ADD3: variants seen among roughly 807,000 people sequenced by gnomAD.
The protein encoded by ADD3 is adducin 3.
In ADD3, 25 loss-of-function variants were observed where a neutral mutation model predicts 80.2. The observed-to-expected ratio is 0.31, with a 90% CI of 0.23 to 0.44. ADD3 has a LOEUF of 0.44. Ranked by LOEUF, ADD3 falls within the 20% of genes least tolerant of loss-of-function variation. The probability of loss-of-function intolerance (pLI) is 1.00; values close to 1 mark genes in which losing one functional copy is unlikely to be tolerated. For missense variants in ADD3, 829 were observed against 847.5 expected, an observed-to-expected ratio of 0.98 and a Z score of 0.27; for synonymous variants, 284 against 289.6, an observed-to-expected ratio of 0.98 and a Z score of 0.20.
intron 1 of ADD3, among the ~76,000 whole-genome samples, chr10:110,035,785 G>T (rs1270182661): frequency 6.6e-6 from 1 of 152,144 alleles, no homozygotes; most frequent in Non-Finnish European, 1.5e-5. Context: ...TTGAGACTCA[G>T]TGTTTTTTTA....
intron 1 of ADD3, among the ~76,000 whole-genome samples, chr10:110,012,514 A>G (rs1852447868): frequency 2.0e-5 from 3 of 152,246 alleles, no homozygotes; most frequent in Admixed American, 2.0e-4. Context: ...TTGAAGGAAT[A>G]CATTTAGAGT....
At chr10:110,021,499 C>T (rs1446431905) in intron 1 of ADD3, among the ~76,000 whole-genome samples, 2 of 152,084 alleles carry the variant, frequency 1.3e-5, no homozygotes, top group Non-Finnish European at 2.9e-5. Flanking sequence ...TAAACAAATG[C>T]GGTATCCATG....
At chr10:110,022,014 G>A (rs961833383) in intron 1 of ADD3, among the ~76,000 whole-genome samples, 9 of 152,164 alleles carry the variant, frequency 5.9e-5, no homozygotes, top group African/African-American at 2.2e-4. Flanking sequence ...GATGAAACAA[G>A]AATTACCGCA....
At chr10:110,058,991 A>G (rs1361422426) in intron 1 of ADD3, among the ~76,000 whole-genome samples, 1 of 152,236 alleles carries the variant, frequency 6.6e-6, no homozygotes, top group Non-Finnish European at 1.5e-5. Context: ...CATTTAATTT[A>G]TAAATCACTT....
chr10:110,062,414 C>CAA (rs61291710), intron 1 of ADD3, among the ~76,000 whole-genome samples: 14,722 of 107,212 alleles, frequency 0.14, 2,801 homozygotes, highest in African/African-American at 0.43. Flanking sequence ...AACTCCATCT[C>CAA]AAAAAAAAAA....
At chr10:110,105,313 C>T (rs952774937) in intron 2 of ADD3, among the ~76,000 whole-genome samples, 1 of 152,058 alleles carries the variant, frequency 6.6e-6, no homozygotes, top group Admixed American at 6.6e-5. Context: ...TAATTTACCC[C>T]CTTTTCTCAA....
intron 1 of ADD3, among the ~76,000 whole-genome samples, chr10:110,093,735 C>T (rs1225227410): frequency 6.6e-6 from 1 of 152,110 alleles, no homozygotes; most frequent in East Asian, 1.9e-4. Flanking sequence ...TTCATCTGCC[C>T]ATCTCCTAAT....
chr10:110,133,726 GCAA>G lies in ADD3; in HGVS notation c.*109_*111del. 1.1e-6 allele frequency: 1 copy of G among 921,752 alleles called. No homozygotes were observed. The highest frequency in any genetic ancestry group is 1.5e-6 in the Non-Finnish European group (1 of 663,748). 57.1% of individuals were successfully genotyped at this position (921,752 alleles called of 1,614,324 possible). The stretch of plus-strand genomic sequence containing the variant: ...ATGGTAGATCAGATTGGGGGATGTA[GCAA>G]ACTGGACTTTAAGAACTGGAAAGAG... On this transcript the variant is annotated 3_prime_UTR_variant, in exon 15 of 15. Coordinates refer to ENST00000356080, the MANE Select transcript of ADD3 (RefSeq NM_016824.5).
At chr10:110,051,404 G>C (rs968391258) in intron 1 of ADD3, among the ~76,000 whole-genome samples, 1 of 152,120 alleles carries the variant, frequency 6.6e-6, no homozygotes, top group Admixed American at 6.5e-5. Flanking sequence ...CTATACAGTG[G>C]TTCCTCCAAA....
At chr10:110,119,765 C>T in intron 8 of ADD3, 3 of 514,498 alleles carry the variant, frequency 5.8e-6, no homozygotes, top group Non-Finnish European at 1.0e-5. Flanking sequence ...AATTTTCTCA[C>T]ACACAATCTA....
intron 1 of ADD3, among the ~76,000 whole-genome samples, chr10:110,009,902 C>T (rs968758888): frequency 2.6e-5 from 4 of 152,154 alleles, no homozygotes; most frequent in African/African-American, 9.7e-5. Flanking sequence ...TATATGATAT[C>T]AGGAAATGTT....
intron 1 of ADD3, among the ~76,000 whole-genome samples, chr10:110,040,534 T>G (rs1856181695): frequency 6.6e-6 from 1 of 152,192 alleles, no homozygotes; most frequent in Non-Finnish European, 1.5e-5. Context: ...AGCAGATAGT[T>G]TTATAGCAAA....
chr10:110,108,263 A>G (rs950898381), intron 2 of ADD3, among the ~76,000 whole-genome samples: 1 of 152,140 alleles, frequency 6.6e-6, no homozygotes, highest in African/African-American at 2.4e-5. Context: ...CTGCCATTGC[A>G]GTCTAATGCT....
chr10:110,103,033 C>A (rs1310988324), intron 2 of ADD3, among the ~76,000 whole-genome samples: 1 of 152,136 alleles, frequency 6.6e-6, no homozygotes, highest in Non-Finnish European at 1.5e-5. Flanking sequence ...ACAAAGAAGG[C>A]TGAGATTTAA....
At chr10:110,041,548 G>A (rs1200827155) in intron 1 of ADD3, among the ~76,000 whole-genome samples, 1 of 152,102 alleles carries the variant, frequency 6.6e-6, no homozygotes, top group East Asian at 1.9e-4. Flanking sequence ...GTTCAAATCA[G>A]CAGTTCTCAA....
rs1189793476 is a variant in ADD3, at chr10:110,073,138, C to CTTTT, written c.-29-27469_-29-27466dup. Among the ~76,000 whole-genome samples the CTTTT allele has an allele frequency of 4.3e-3, 401 of 94,214 alleles. 43 individuals carry two copies. The highest frequency in any genetic ancestry group is 0.017 in the African/African-American group (365 of 22,066). The allele number at this position is 94,214 out of a possible 152,430, so 61.8% of individuals were successfully genotyped here. ...CTTAACCTCTTTGAGTTTTAGTTTT[C>CTTTT]TTTTTTTTTTTTTTTTTTTTTCGAG... On this transcript the variant is annotated intron_variant, in intron 1 of 14. Transcript: ENST00000356080.
At chr10:110,029,298 CTT>C in intron 1 of ADD3, among the ~76,000 whole-genome samples, 1 of 152,260 alleles carries the variant, frequency 6.6e-6, no homozygotes, top group South Asian at 2.1e-4. Context: ...TGATTATAAA[CTT>C]GTAGTAATTG....
intron 1 of ADD3, among the ~76,000 whole-genome samples, chr10:110,013,037 C>T (rs1564837676): frequency 1.3e-5 from 2 of 152,004 alleles, no homozygotes; most frequent in South Asian, 2.1e-4. Flanking sequence ...GTATACGGTA[C>T]ATAAACTGGC....
intron 1 of ADD3, among the ~76,000 whole-genome samples, chr10:110,042,163 A>G (rs529407882): frequency 6.6e-6 from 1 of 152,282 alleles, no homozygotes; most frequent in Non-Finnish European, 1.5e-5. Flanking sequence ...TTAATTTTTA[A>G]ATACTGTTGT....
Sources: allele counts gnomAD v4.1 joint callset (sites outside exome capture counted in the v4.1 genomes callset), GRCh38; gene constraint gnomAD v4.1.1; transcripts MANE v1.5; gene names NCBI Gene and HGNC (gene_info 2026-07-23, HGNC 2026-07-21).